Variants in VEGFC observed in about 807,000 individuals in gnomAD.
The protein encoded by VEGFC is vascular endothelial growth factor C.
A neutral mutation model predicts 46.1 loss-of-function variants in VEGFC; 12 were observed. That is an observed-to-expected ratio of 0.26 (90% CI 0.17 to 0.42). The LOEUF (loss-of-function observed/expected upper bound fraction) is 0.42. Ranked by LOEUF, VEGFC falls within the 10% of genes least tolerant of loss-of-function variation. The pLI, the probability that VEGFC is intolerant of heterozygous loss-of-function variation, is 1.00. For missense variants in VEGFC, 488 were observed against 529.4 expected (o/e 0.92, Z 0.77); for synonymous variants, 232 against 195.5 (o/e 1.19, Z -1.56).
At chr4:176,722,142 G>A (rs514410) in intron 3 of VEGFC, among the ~76,000 whole-genome samples, 14,432 of 149,898 alleles carry the variant, frequency 0.096, 1,383 homozygotes, top group African/African-American at 0.23. Flanking sequence ...AAAAAAAACT[G>A]AAAAAAAAAT....
intron 4 of VEGFC, among the ~76,000 whole-genome samples, chr4:176,697,772 T>C (rs1253159796): frequency 1.3e-5 from 2 of 151,426 alleles, no homozygotes; most frequent in East Asian, 3.9e-4. Flanking sequence ...TAAGAAAATG[T>C]GGCACATATA....
At chr4:176,695,312 A>G (rs1734289350) in intron 4 of VEGFC, among the ~76,000 whole-genome samples, 1 of 150,814 alleles carries the variant, frequency 6.6e-6, no homozygotes, top group Non-Finnish European at 1.5e-5. Context: ...CACCGATCCC[A>G]CAGAAATACA....
chr4:176,683,901 C>T lies in VEGFC; in HGVS notation c.*25G>A, dbSNP rs945907859. On this transcript the variant is annotated 3_prime_UTR_variant, in exon 7 of 7. Coordinates refer to ENST00000618562, the MANE Select transcript of VEGFC (RefSeq NM_005429.5). ...AACACAGTTTTCCATAATAGAAAATCGATGAACTGGAAAACAGTACAATCT... is the reference window on the plus strand; with the variant it reads ...AACACAGTTTTCCATAATAGAAAATTGATGAACTGGAAAACAGTACAATCT... The T allele has an allele frequency of 5.1e-6, 8 of 1,578,146 alleles. No individual in the cohort carries two copies. The highest frequency in any genetic ancestry group is 1.7e-5 in the Admixed American group (1 of 59,954).
chr4:176,692,183 A>T (rs985436173), intron 4 of VEGFC, among the ~76,000 whole-genome samples: 6 of 151,428 alleles, frequency 4.0e-5, no homozygotes, highest in Non-Finnish European at 7.4e-5. Context: ...TCACGAGGTC[A>T]GGAGATCGAG....
In VEGFC at chr4:176,784,072, T is replaced by G. The variant is rs528761552; in HGVS notation, c.147+8093A>C. Among the ~76,000 whole-genome samples the G allele has an allele frequency of 3.5e-4, 53 of 149,636 alleles. 1 individual carries two copies. The highest frequency in any genetic ancestry group is 1.3e-3 in the African/African-American group (51 of 40,384). On this transcript the variant is annotated intron_variant, in intron 1 of 6. Transcript: ENST00000618562. ...TATGTATGCACATGCTGTTTTTTTTTTTTTTTTTTTGAAACAGAGTCTCAC... is the reference window on the plus strand; with the variant it reads ...TATGTATGCACATGCTGTTTTTTTTGTTTTTTTTTTGAAACAGAGTCTCAC...
At chr4:176,686,604 G>A (rs1196139720) in intron 6 of VEGFC, among the ~76,000 whole-genome samples, 2 of 152,158 alleles carry the variant, frequency 1.3e-5, no homozygotes, top group African/African-American at 4.8e-5. Context: ...AAGAGGAAGA[G>A]GTTTCGGGAT....
chr4:176,768,491 C>CATATAGATATATATATATATAT (rs1735667485), intron 1 of VEGFC, among the ~76,000 whole-genome samples: 1 of 100,536 alleles, frequency 9.9e-6, no homozygotes, highest in Non-Finnish European at 2.0e-5. Flanking sequence ...ATGTTTTATA[C>CATATAGATATATATATATATAT]ATATATATAT....
chr4:176,775,172 C>T (rs1368059940), intron 1 of VEGFC, among the ~76,000 whole-genome samples: 1 of 152,026 alleles, frequency 6.6e-6, no homozygotes, highest in Admixed American at 6.6e-5. Context: ...AGACAGAGGG[C>T]TTGTCAAGTA....
rs1343346796 is a variant in VEGFC, at chr4:176,695,446, G to A, written c.705-7519C>T. 2.7e-5 allele frequency among the ~76,000 whole-genome samples: 4 copies of A among 150,570 alleles called. No homozygotes were observed. The East Asian group carries it at 5.9e-4, about 22-fold the overall frequency. ...TAAACCAGGAAGAAGTTGAATCTCT[G>A]AATAGACCAATAACAGGATCTGAAA... On this transcript the variant is annotated intron_variant, in intron 4 of 6. Coordinates refer to ENST00000618562, the MANE Select transcript of VEGFC (RefSeq NM_005429.5).
intron 1 of VEGFC, among the ~76,000 whole-genome samples, chr4:176,772,965 CTCCTT>C (rs1735747393): frequency 6.6e-6 from 1 of 152,184 alleles, no homozygotes; most frequent in Non-Finnish European, 1.5e-5. Context: ...TACATTCATT[CTCCTT>C]TCCTTCTTTG....
chr4:176,750,059 C>T (rs1241773739), intron 1 of VEGFC, among the ~76,000 whole-genome samples: 1 of 151,544 alleles, frequency 6.6e-6, no homozygotes, highest in Non-Finnish European at 1.5e-5. Context: ...TTTGAAAGAA[C>T]TAGAGATTTT....
chr4:176,686,125 A>G (rs1352195420), intron 6 of VEGFC, among the ~76,000 whole-genome samples: 2 of 152,212 alleles, frequency 1.3e-5, no homozygotes, highest in African/African-American at 4.8e-5. Flanking sequence ...AAAATTAAGT[A>G]GACAACTAGG....
chr4:176,735,985 G>A (rs548916936), intron 1 of VEGFC, among the ~76,000 whole-genome samples: 14 of 151,838 alleles, frequency 9.2e-5, no homozygotes, highest in African/African-American at 3.1e-4. Context: ...ATTGAAATAG[G>A]TGCACCTGTT....
chr4:176,699,646 A>G (rs1734390609), intron 4 of VEGFC, among the ~76,000 whole-genome samples: 1 of 152,204 alleles, frequency 6.6e-6, no homozygotes, highest in African/African-American at 2.4e-5. Flanking sequence ...TGAGTTTGTT[A>G]CGCCTGACGC....
intron 6 of VEGFC, among the ~76,000 whole-genome samples, chr4:176,684,637 C>A (rs1419540464): frequency 6.6e-6 from 1 of 152,164 alleles, no homozygotes; most frequent in East Asian, 1.9e-4. Flanking sequence ...GGGTCCCCTT[C>A]CTCCCATCCT....
intron 1 of VEGFC, among the ~76,000 whole-genome samples, chr4:176,759,969 A>G (rs1454847989): frequency 2.6e-5 from 4 of 152,016 alleles, no homozygotes; most frequent in Non-Finnish European, 4.4e-5. Context: ...GAAAATATGT[A>G]AAGAAATAAG....
In VEGFC at chr4:176,701,591, A is replaced by C. The variant is rs575914884; in HGVS notation, c.704+9908T>G. Among the ~76,000 whole-genome samples the C allele has an allele frequency of 2.6e-5, 4 of 152,320 alleles. No homozygotes were observed. In the East Asian group the frequency reaches 5.8e-4, roughly 22 times the overall value. ...AAAGTTACCTTCCCTTTACAAAAAC[A>C]GTAACGCTCACAGCCTGGAATCTCT... is the stretch of plus-strand genomic sequence containing the variant. On this transcript the variant is annotated intron_variant, in intron 4 of 6. Transcript: ENST00000618562.
At position 176,792,354 on chromosome 4, in the gene VEGFC, C is replaced by G; in HGVS notation, c.-43G>C. On this transcript the variant is annotated 5_prime_UTR_variant, in exon 1 of 7. Transcript: ENST00000618562. The surrounding 1 kb of genome is among the most constrained non-coding windows in gnomAD (Gnocchi z 6.3). The stretch of plus-strand genomic sequence containing the variant: ...TGGGGGACCGGTCCGCTGGCGGGGG[C>G]AGGGGTGGGGGCGCGGGCGCCCCTG... 1 of 1,392,694 alleles carries G rather than the reference C, an allele frequency of 7.2e-7. No homozygotes were observed. 86.3% of individuals were successfully genotyped at this position (1,392,694 alleles called of 1,614,324 possible).
chr4:176,722,487 TG>T, intron 3 of VEGFC, among the ~76,000 whole-genome samples: 1 of 62,104 alleles, frequency 1.6e-5, no homozygotes, highest in African/African-American at 2.7e-5. Flanking sequence ...TTTTTTCTTT[TG>T]TTTTTTTTTT....
Sources: allele counts gnomAD v4.1 joint callset (sites outside exome capture counted in the v4.1 genomes callset), GRCh38; gene constraint gnomAD v4.1.1; non-coding constraint Gnocchi (gnomAD v3.1); transcripts MANE v1.5; gene names NCBI Gene and HGNC (gene_info 2026-07-23, HGNC 2026-07-21).